Variants in ASIC2 observed in about 807,000 individuals in gnomAD.
ASIC2 encodes acid-sensing ion channel 2.
ASIC2 carries 25 observed loss-of-function variants against 57.3 expected under a neutral mutation model. That is an observed-to-expected ratio of 0.44 (90% CI 0.32 to 0.61). The LOEUF (loss-of-function observed/expected upper bound fraction) is 0.61, where lower values mean the gene tolerates loss of function less well. ASIC2 is among the 20% of genes least tolerant of loss of function. The probability of loss-of-function intolerance (pLI) is 0.06; values close to 1 mark genes in which losing one functional copy is unlikely to be tolerated. For missense variants in ASIC2, 641 were observed against 738.1 expected (o/e 0.87, Z 1.52); for synonymous variants, 319 against 307.5 (o/e 1.04, Z -0.39).
chr17:33,317,758 G>A (rs963708840), intron 1 of ASIC2, among the ~76,000 whole-genome samples: 4 of 152,100 alleles, frequency 2.6e-5, no homozygotes, highest in African/African-American at 7.2e-5. Flanking sequence ...GGTCAGAGAA[G>A]ATACCACAGG....
chr17:33,046,110 A>G (rs559174525), intron 3 of ASIC2, among the ~76,000 whole-genome samples: 15 of 152,324 alleles, frequency 9.8e-5, no homozygotes, highest in Non-Finnish European at 1.8e-4. Context: ...CTAGTCATCC[A>G]TCTTCAATTC....
In ASIC2 at chr17:33,469,829, A is replaced by G. The variant is rs79579782; in HGVS notation, c.556-357762T>C. Among the ~76,000 whole-genome samples the G allele has an allele frequency of 7.5e-3, 1,146 of 152,286 alleles. 10 individuals carry two copies. The highest frequency in any genetic ancestry group is 0.011 in the Non-Finnish European group (774 of 68,036). On this transcript the variant is annotated intron_variant, in intron 1 of 9. Coordinates refer to the ASIC2 transcript ENST00000359872. ...CTGATATCTACTTAACCTCGGGGAT[A>G]GAGAGTGAAGAATTTGGATTTTGCA... is the stretch of plus-strand genomic sequence containing the variant.
chr17:33,332,114 A>G (rs904178855), intron 1 of ASIC2, among the ~76,000 whole-genome samples: 3 of 152,232 alleles, frequency 2.0e-5, no homozygotes, highest in Non-Finnish European at 4.4e-5. Context: ...GATGATGCCT[A>G]GTTGACCAAG....
Position 33,203,280 on chromosome 17 carries a change from G to C in ASIC2, c.708+88128C>G, listed in dbSNP as rs547732241. On this transcript the variant is annotated intron_variant, in intron 1 of 9. Transcript: ENST00000225823. ...AGTCCTGCCTCTGGCGCATAATAAT[G>C]CATCTCTGTGTAAAACCATGTGCTT... Among the ~76,000 whole-genome samples the C allele has an allele frequency of 2.6e-5, 4 of 152,310 alleles. No individual in the cohort carries two copies. In the South Asian group the frequency reaches 8.3e-4, roughly 32 times the overall value.
Position 33,474,839 on chromosome 17 carries a change from G to A in ASIC2, c.556-362772C>T, listed in dbSNP as rs117698434. ...GTGTGGGGTATAACTAAATATGGTT[G>A]CGTGTGACCTTAGAATGGTTAGAGG... On this transcript the variant is annotated intron_variant, in intron 1 of 9. Coordinates refer to the ASIC2 transcript ENST00000359872. Among the ~76,000 whole-genome samples, 63 of 152,280 alleles carry A rather than the reference G, an allele frequency of 4.1e-4. No homozygotes were observed. The East Asian group carries it at 0.011, about 26-fold the overall frequency.
At chr17:33,134,736 C>T (rs541528126) in intron 1 of ASIC2, among the ~76,000 whole-genome samples, 2 of 152,340 alleles carry the variant, frequency 1.3e-5, no homozygotes, top group African/African-American at 4.8e-5. Context: ...CTTGCTCTCC[C>T]ACTTGGCTGG....
chr17:34,075,603 GCAC>G (rs1039980032), intron 1 of ASIC2, among the ~76,000 whole-genome samples: 5 of 151,970 alleles, frequency 3.3e-5, no homozygotes, highest in African/African-American at 7.3e-5. Context: ...AGTACATATG[GCAC>G]CACATGAAGA....
chr17:33,352,346 C>A (rs539886261), intron 1 of ASIC2, among the ~76,000 whole-genome samples: 2 of 152,166 alleles, frequency 1.3e-5, no homozygotes, highest in African/African-American at 2.4e-5. Flanking sequence ...GCCCAGTGAG[C>A]CCCCTCCATG....
At chr17:33,382,207 A>T (rs1343898955) in intron 1 of ASIC2, among the ~76,000 whole-genome samples, 1 of 152,182 alleles carries the variant, frequency 6.6e-6, no homozygotes, top group Non-Finnish European at 1.5e-5. Flanking sequence ...TACCTTTCAG[A>T]ATCCATCTGA....
chr17:33,335,882 C>A (rs917519637), intron 1 of ASIC2, among the ~76,000 whole-genome samples: 1 of 152,188 alleles, frequency 6.6e-6, no homozygotes, highest in Non-Finnish European at 1.5e-5. Flanking sequence ...CAGCTCCAAT[C>A]GCAGACACAC....
At chr17:34,009,782 T>C (rs1265815785) in intron 1 of ASIC2, among the ~76,000 whole-genome samples, 1 of 152,216 alleles carries the variant, frequency 6.6e-6, no homozygotes, top group East Asian at 1.9e-4. Context: ...GACCTGAATT[T>C]GGGGATTGGA....
At chr17:33,775,797 G>A (rs1911254886) in intron 1 of ASIC2, among the ~76,000 whole-genome samples, 1 of 152,136 alleles carries the variant, frequency 6.6e-6, no homozygotes, top group Non-Finnish European at 1.5e-5. Context: ...TGCTGTCCTT[G>A]GGGCTCTGAC....
chr17:33,643,433 C>T (rs1166499703), intron 1 of ASIC2, among the ~76,000 whole-genome samples: 1 of 152,156 alleles, frequency 6.6e-6, no homozygotes, highest in Non-Finnish European at 1.5e-5. Context: ...CAACTTGCAC[C>T]ACCCTTTAGA....
intron 1 of ASIC2, among the ~76,000 whole-genome samples, chr17:33,972,433 C>A (rs891935207): frequency 6.6e-6 from 1 of 152,122 alleles, no homozygotes; most frequent in Non-Finnish European, 1.5e-5. Context: ...CAGTATTGCC[C>A]AGAGCTCCAG....
chr17:34,039,254 G>A, intron 1 of ASIC2: 3 of 1,613,976 alleles, frequency 1.9e-6, no homozygotes, highest in Non-Finnish European at 2.5e-6. Context: ...GACTGGGTCT[G>A]TCTGTGCTGG....
At chr17:33,105,980 T>A (rs1254584583) in intron 2 of ASIC2, among the ~76,000 whole-genome samples, 1 of 151,260 alleles carries the variant, frequency 6.6e-6, no homozygotes, top group East Asian at 1.9e-4. Context: ...GGATGAAGAG[T>A]AGGGGTGAGG....
chr17:33,509,611 T>C (rs978131549), intron 1 of ASIC2, among the ~76,000 whole-genome samples: 2 of 152,226 alleles, frequency 1.3e-5, no homozygotes, highest in Non-Finnish European at 2.9e-5. Flanking sequence ...GTGTTTATCA[T>C]TCATCAGAGA....
At chr17:33,846,195 C>T (rs1597900219) in intron 1 of ASIC2, among the ~76,000 whole-genome samples, 1 of 152,150 alleles carries the variant, frequency 6.6e-6, no homozygotes, top group South Asian at 2.1e-4. Context: ...GGCTTGGGGG[C>T]TCTTCTCCCG....
intron 1 of ASIC2, among the ~76,000 whole-genome samples, chr17:33,894,350 C>CGT (rs201934419): frequency 0.015 from 2,053 of 138,600 alleles, 24 homozygotes; most frequent in Middle Eastern, 0.036. Context: ...TGCGTGCGTG[C>CGT]GTGTGTGTGT....
Sources: gnomAD v4.1 joint callset for allele counts (sites outside exome capture counted in the v4.1 genomes callset) on GRCh38, gnomAD v4.1.1 for gene constraint, MANE v1.5 for transcripts, NCBI Gene and HGNC (gene_info 2026-07-23, HGNC 2026-07-21) for gene names.